MGAT1: variants seen among roughly 807,000 people sequenced by gnomAD.
MGAT1 encodes the protein N-glycosyl-oligosaccharide-glycoprotein N-acetylglucosaminyltransferase I.
In MGAT1, 14 loss-of-function variants were observed where a neutral mutation model predicts 31.7. The observed-to-expected ratio is 0.44, with a 90% CI of 0.29 to 0.69. The LOEUF is 0.69. Ranked by LOEUF, MGAT1 falls within the 30% of genes least tolerant of loss-of-function variation. The pLI is 0.12. For missense variants in MGAT1, 557 were observed against 626.0 expected (o/e 0.89, Z 1.18); for synonymous variants, 338 against 276.0 (o/e 1.22, Z -2.23).
Position 180,791,751 on chromosome 5 carries a change from A to C in MGAT1, c.1221T>G (p.Leu407=). 6.2e-7 allele frequency: 1 copy of C among 1,613,836 alleles called. No homozygotes were observed. The highest frequency in any genetic ancestry group is 8.5e-7 in the Non-Finnish European group (1 of 1,179,728). The change falls in exon 2 of 2, where the codon CTT becomes CTG. Residue 407 remains leucine (L), a synonymous_variant. Coordinates refer to ENST00000307826, the MANE Select transcript of MGAT1 (RefSeq NM_002406.4). ...FAKALGVMDD[L]KSGVPRAGYR... The stretch of plus-strand genomic sequence containing the variant: ...AGCCAGCTCTCGGAACCCCCGACTT[A>C]AGGTCATCCATGACACCCAGAGCCT...
At position 180,790,776 on chromosome 5, in the gene MGAT1, G is replaced by C. The variant is rs527424111; in HGVS notation, c.*858C>G. 7 of 152,480 alleles carry C rather than the reference G, an allele frequency of 4.6e-5. No individual in the cohort carries two copies. In the East Asian group the frequency reaches 5.8e-4, roughly 13 times the overall value. 9.4% of individuals were successfully genotyped at this position (152,480 alleles called of 1,614,324 possible). On this transcript the variant is annotated 3_prime_UTR_variant, in exon 2 of 2. Coordinates refer to ENST00000307826, the MANE Select transcript of MGAT1 (RefSeq NM_002406.4). ...TGGTCACTGCTCCACCTCATGCTGA[G>C]AGGAGCCTGTGTGTCAAACCCCAGG...
upstream of MGAT1, among the ~76,000 whole-genome samples, chr5:180,805,997 TAC>T (rs1466220730): frequency 6.6e-6 from 1 of 151,888 alleles, no homozygotes; most frequent in Non-Finnish European, 1.5e-5. Context: ...TGAGTTAAAA[TAC>T]ACACACGGCC....
upstream of MGAT1, among the ~76,000 whole-genome samples, chr5:180,804,230 G>A (rs1246635913): frequency 2.6e-5 from 4 of 152,232 alleles, no homozygotes; most frequent in African/African-American, 9.6e-5. Context: ...CTAGTTTGAG[G>A]CTCAGGGTAA....
At chr5:180,811,864 T>C (rs966625111) in intron 1 of MGAT1, among the ~76,000 whole-genome samples, 1 of 152,264 alleles carries the variant, frequency 6.6e-6, no homozygotes, top group Non-Finnish European at 1.5e-5. Flanking sequence ...CATTGGCCTC[T>C]GCACCGGCTG....
At chr5:180,798,353 A>T (rs1342249283) in intron 1 of MGAT1, among the ~76,000 whole-genome samples, 5 of 151,844 alleles carry the variant, frequency 3.3e-5, no homozygotes, top group African/African-American at 1.2e-4. Context: ...GCTCTTCCCT[A>T]TCTTCTTCAC....
rs1203691771 is a variant in MGAT1 at position 180,791,581 on chromosome 5, C to T, written c.*53G>A. 82 of 1,580,916 alleles carry T rather than the reference C, an allele frequency of 5.2e-5. No individual in the cohort carries two copies. Among genetic ancestry groups the T allele is most frequent in the Non-Finnish European group, 6.9e-5 (80 of 1,162,206 alleles). On this transcript the variant is annotated 3_prime_UTR_variant, in exon 2 of 2. Coordinates refer to ENST00000307826, the MANE Select transcript of MGAT1 (RefSeq NM_002406.4). ...GCCGATGCAGCCTGGGGACTGTGGT[C>T]CCACCTCAGCTCATGATGTGGCAAG... is the stretch of plus-strand genomic sequence containing the variant.
chr5:180,792,200 G>A lies in MGAT1; in HGVS notation c.772C>T (p.Leu258Phe), dbSNP rs1313032227. ...CCAGGGAAAAAGTCGGTGCGGTAGA[G>A]CAGCTCAGGCCTGCTGGCGTCCACC... ...QMVDASRPEL[L>F]YRTDFFPGLG... is the part of the protein sequence containing the mutation. Residue 258 changes from leucine (L) to phenylalanine (F), a missense_variant, in exon 2 of 2, where the codon CTC becomes TTC. This residue lies in a region of MGAT1 where 245 missense variants were observed against 332.9 expected (regional missense o/e 0.74). Transcript: ENST00000307826. 2 of 1,613,136 alleles carry A rather than the reference G, an allele frequency of 1.2e-6. No individual in the cohort carries two copies. The highest frequency in any genetic ancestry group is 1.7e-6 in the Non-Finnish European group (2 of 1,180,010).
At chr5:180,797,339 T>C (rs1041544436) in intron 1 of MGAT1, among the ~76,000 whole-genome samples, 2 of 144,918 alleles carry the variant, frequency 1.4e-5, no homozygotes, top group Non-Finnish European at 1.5e-5. Flanking sequence ...GAGGCGGAGG[T>C]TGCAGTGAGC....
Position 180,785,927 on chromosome 5 carries a change from A to G in MGAT1, c.*5707T>C, listed in dbSNP as rs549714673. The G allele has an allele frequency of 1.3e-5, 2 of 152,346 alleles. No individual in the cohort carries two copies. Among genetic ancestry groups the G allele is most frequent in the South Asian group, 4.1e-4 (2 of 4,826 alleles). The allele number at this position is 152,346 out of a possible 1,614,324, so 9.4% of individuals were successfully genotyped here. On this transcript the variant is annotated 3_prime_UTR_variant, in exon 2 of 2. Transcript: ENST00000307826. The stretch of plus-strand genomic sequence containing the variant: ...TGGCTGGGGCAGGGCTGCTGCACTG[A>G]GGGTGCATCCCACCTCCTGCAGGGA...
At position 180,791,479 on chromosome 5, in the gene MGAT1, T is replaced by C; in HGVS notation, c.*155A>G. On this transcript the variant is annotated 3_prime_UTR_variant, in exon 2 of 2. Coordinates refer to ENST00000307826, the MANE Select transcript of MGAT1 (RefSeq NM_002406.4). ...CCTTGAGAACGGGAGAATAATCCTC[T>C]TGTTATCATTTGTGCACTTAAATGC... The C allele has an allele frequency of 1.2e-6, 1 of 862,026 alleles. No individual in the cohort carries two copies. Among genetic ancestry groups the C allele is most frequent in the Non-Finnish European group, 1.8e-6 (1 of 557,060 alleles). 53.4% of individuals were successfully genotyped at this position (862,026 alleles called of 1,614,324 possible).
Position 180,788,337 on chromosome 5 carries a change from A to C in MGAT1, c.*3297T>G, listed in dbSNP as rs1767721264. Reference sequence around the variant, plus strand: ...GGCCCCAAACTCTACTCCTCCCGCCATCTCTCCTGGACCTCCCCGAGCCAC... The same window carrying C: ...GGCCCCAAACTCTACTCCTCCCGCCCTCTCTCCTGGACCTCCCCGAGCCAC... On this transcript the variant is annotated 3_prime_UTR_variant, in exon 2 of 2. Coordinates refer to ENST00000307826, the MANE Select transcript of MGAT1 (RefSeq NM_002406.4). The C allele has an allele frequency of 6.6e-6, 1 of 150,662 alleles. No homozygotes were observed. Among genetic ancestry groups the C allele is most frequent in the Non-Finnish European group, 1.5e-5 (1 of 67,938 alleles). 9.3% of individuals were successfully genotyped at this position (150,662 alleles called of 1,614,324 possible).
At chr5:180,797,655 T>A (rs1431872693) in intron 1 of MGAT1, among the ~76,000 whole-genome samples, 1 of 151,888 alleles carries the variant, frequency 6.6e-6, no homozygotes, top group Non-Finnish European at 1.5e-5. Context: ...TCTGACTGAG[T>A]TTTTACTTGG....
At position 180,792,156 on chromosome 5, in the gene MGAT1, C is replaced by G. The variant is rs1360558183; in HGVS notation, c.816G>C (p.Leu272Phe). Residue 272 changes from leucine to phenylalanine, a missense_variant, in exon 2 of 2, where the codon TTG becomes TTC. Around this residue, in one of 3 missense-constraint regions of MGAT1, gnomAD observed 245 missense variants for 332.9 expected, o/e 0.74. Transcript: ENST00000307826. ...DFFPGLGWLL[L>F]AELWAELEPK... ...GCTCCAGCTCAGCCCAGAGCTCGGC[C>G]AACAGCAGCCAGCCCAGGCCAGGGA... The G allele has an allele frequency of 6.2e-7, 1 of 1,613,132 alleles. No individual in the cohort carries two copies. The highest frequency in any genetic ancestry group is 8.5e-7 in the Non-Finnish European group (1 of 1,179,990).
chr5:180,804,563 G>A (rs968532528), upstream of MGAT1, among the ~76,000 whole-genome samples: 2 of 152,260 alleles, frequency 1.3e-5, no homozygotes, highest in Non-Finnish European at 2.9e-5. Context: ...CCAGTCAGAG[G>A]CCAGTGTCTG....
chr5:180,797,903 T>C (rs1217502117), intron 1 of MGAT1, among the ~76,000 whole-genome samples: 6 of 118,024 alleles, frequency 5.1e-5, no homozygotes, highest in Non-Finnish European at 7.4e-5. Context: ...GTTCCTGGGA[T>C]AGGATCCTCA....
intron 1 of MGAT1, among the ~76,000 whole-genome samples, chr5:180,801,518 A>G (rs1018048713): frequency 6.6e-6 from 1 of 152,228 alleles, no homozygotes; most frequent in African/African-American, 2.4e-5. Flanking sequence ...GTCAGAGAAG[A>G]TACACTAAAT....
chr5:180,801,689 TTG>T (rs1770794051), intron 1 of MGAT1, among the ~76,000 whole-genome samples: 1 of 152,240 alleles, frequency 6.6e-6, no homozygotes, highest in Non-Finnish European at 1.5e-5. Flanking sequence ...CTTGACCCAC[TTG>T]TACCTTAGTT....
At position 180,791,777 on chromosome 5, in the gene MGAT1, T is replaced by C; in HGVS notation, c.1195A>G (p.Lys399Glu). The C allele has an allele frequency of 3.7e-6, 6 of 1,614,090 alleles. No individual in the cohort carries two copies. The highest frequency in any genetic ancestry group is 5.1e-6 in the Non-Finnish European group (6 of 1,179,948). The change falls in exon 2 of 2, where the codon AAG becomes GAG. Residue 399 changes from lysine to glutamate, a missense_variant. This residue lies in a region of MGAT1 where 145 missense variants were observed against 143.2 expected (regional missense o/e 1.01). Transcript: ENST00000307826. The stretch of plus-strand genomic sequence containing the variant: ...AGGTCATCCATGACACCCAGAGCCT[T>C]GGCGAAAGCCTTGAAGCTGTCCCTG... Reference protein sequence around the residue: ...TGRDSFKAFAKALGVMDDLKS... With the variant: ...TGRDSFKAFAEALGVMDDLKS...
rs1768304849 is a variant in MGAT1, at chr5:180,792,239, C to G, written c.733G>C (p.Gly245Arg). 6.2e-7 allele frequency: 1 copy of G among 1,613,014 alleles called. No individual in the cohort carries two copies. Among genetic ancestry groups the G allele is most frequent in the African/African-American group, 1.3e-5 (1 of 74,948 alleles). The change falls in exon 2 of 2, where the codon GGC (glycine) becomes CGC (arginine). Residue 245 changes from glycine (G) to arginine (R), a missense_variant. This residue lies in a region of MGAT1 where 245 missense variants were observed against 332.9 expected (regional missense o/e 0.74). Coordinates refer to ENST00000307826, the MANE Select transcript of MGAT1 (RefSeq NM_002406.4). ...LWCVSAWNDN[G>R]KEQMVDASRP... The stretch of plus-strand genomic sequence containing the variant: ...CTGGCGTCCACCATCTGCTCCTTGC[C>G]GTTGTCATTCCAGGCCGAGACGCAC...
Sources: allele counts gnomAD v4.1 joint callset (sites outside exome capture counted in the v4.1 genomes callset), GRCh38; gene constraint gnomAD v4.1.1; regional missense constraint gnomAD v4.1.1; transcripts MANE v1.5; gene names NCBI Gene and HGNC (gene_info 2026-07-23, HGNC 2026-07-21).